Variants in EPHA5 observed in about 807,000 individuals in gnomAD.
EPHA5 encodes EPH receptor A5.
Under a neutral mutation model 105.0 loss-of-function variants are expected in EPHA5, and 60 were observed. That is an observed-to-expected ratio of 0.57 (90% CI 0.46 to 0.71). EPHA5 has a LOEUF of 0.71. Ranked by LOEUF, EPHA5 falls within the 30% of genes least tolerant of loss-of-function variation. The probability of loss-of-function intolerance (pLI) is 0.00; values close to 1 mark genes in which losing one functional copy is unlikely to be tolerated. For missense variants in EPHA5, 1,218 were observed against 1,274.7 expected, an observed-to-expected ratio of 0.96 and a Z score of 0.68; for synonymous variants, 513 against 449.1, an observed-to-expected ratio of 1.14 and a Z score of -1.80.
chr4:65,515,531 C>T (rs980801357), intron 3 of EPHA5, among the ~76,000 whole-genome samples: 1 of 152,094 alleles, frequency 6.6e-6, no homozygotes, highest in Non-Finnish European at 1.5e-5. Context: ...TTTCCAGTGA[C>T]AAGATCTTAC....
chr4:65,391,041 C>T (rs955474939), intron 8 of EPHA5, among the ~76,000 whole-genome samples: 5 of 151,968 alleles, frequency 3.3e-5, no homozygotes, highest in Non-Finnish European at 7.4e-5. Context: ...TTTCATAAGG[C>T]AGCAGGAAGG....
chr4:65,490,809 T>C (rs1433057709), intron 4 of EPHA5, 97 bp from the exon 5 acceptor site: 1 of 1,257,338 alleles, frequency 8.0e-7, no homozygotes, highest in Non-Finnish European at 1.1e-6. Flanking sequence ...AAAAAATAGA[T>C]TTGCAATAAG....
chr4:65,390,802 C>A (rs1720639372), intron 8 of EPHA5, among the ~76,000 whole-genome samples: 1 of 151,922 alleles, frequency 6.6e-6, no homozygotes, highest in Non-Finnish European at 1.5e-5. Context: ...AAAAGTATGC[C>A]ATTTTTCTGT....
chr4:65,627,829 A>C (rs2149486475), intron 2 of EPHA5, among the ~76,000 whole-genome samples: 1 of 152,316 alleles, frequency 6.6e-6, no homozygotes, highest in Non-Finnish European at 1.5e-5. Context: ...ACTATGAAAT[A>C]ATTCTAGTGT....
chr4:65,544,090 T>C (rs1040670038), intron 3 of EPHA5, among the ~76,000 whole-genome samples: 3 of 151,910 alleles, frequency 2.0e-5, no homozygotes, highest in African/African-American at 7.2e-5. Flanking sequence ...ATGGATTAAA[T>C]ACTTAAATGT....
At chr4:65,498,390 G>A (rs1356524218) in intron 3 of EPHA5, among the ~76,000 whole-genome samples, 2 of 151,860 alleles carry the variant, frequency 1.3e-5, no homozygotes, top group Admixed American at 6.6e-5. Context: ...TATTTTCACA[G>A]TAACTGCAAA....
At position 65,601,802 on chromosome 4, in the gene EPHA5, G is replaced by T. The variant is rs2149438016; in HGVS notation, c.749C>A (p.Ala250Asp). Reference sequence around the variant, plus strand: ...CACTTCGAGCAATTGGGAAGAATCAGCTCCAGTGATGGTGTCAGGGAAGAC... The same window carrying T: ...CACTTCGAGCAATTGGGAAGAATCATCTCCAGTGATGGTGTCAGGGAAGAC... ...LAVFPDTITG[A>D]DSSQLLEVSG... is the part of the protein sequence containing the mutation. The change falls in exon 3 of 17, where the codon GCT (alanine) becomes GAT (aspartate). Residue 250 changes from alanine to aspartate, a missense_variant. Coordinates refer to ENST00000613740, the MANE Select transcript of EPHA5 (RefSeq NM_001281766.3). 1.2e-6 allele frequency: 2 copies of T among 1,614,158 alleles called. No homozygotes were observed. Among genetic ancestry groups the T allele is most frequent in the Non-Finnish European group, 8.5e-7 (1 of 1,180,022 alleles).
chr4:65,530,998 T>TTTTTTTTA (rs1200918968), intron 3 of EPHA5, among the ~76,000 whole-genome samples: 1 of 102,066 alleles, frequency 9.8e-6, no homozygotes, highest in Admixed American at 9.9e-5. Flanking sequence ...CTGGATGGAT[T>TTTTTTTTA]TTTTTTTATT....
intron 1 of EPHA5, among the ~76,000 whole-genome samples, chr4:65,654,957 G>C: frequency 6.7e-6 from 1 of 148,362 alleles, no homozygotes; most frequent in East Asian, 2.0e-4. Flanking sequence ...ATATATCAAA[G>C]CATATACCTT....
At chr4:65,466,366 G>C (rs980235069) in intron 5 of EPHA5, among the ~76,000 whole-genome samples, 2 of 152,236 alleles carry the variant, frequency 1.3e-5, no homozygotes, top group Non-Finnish European at 2.9e-5. Context: ...AAGTGAGTGA[G>C]TGAGAAAGCA....
Position 65,553,124 on chromosome 4 carries a change from G to A in EPHA5, c.910+48517C>T, listed in dbSNP as rs116165727. On this transcript the variant is annotated intron_variant, in intron 3 of 16. Coordinates refer to ENST00000613740, the MANE Select transcript of EPHA5 (RefSeq NM_001281766.3). ...TAAAATTAATACTTCTCTGAGTGGG[G>A]TAGGTTTACAATCTCAATGATGAGT... Among the ~76,000 whole-genome samples the A allele has an allele frequency of 2.6e-3, 389 of 152,170 alleles. 1 individual carries two copies. Among genetic ancestry groups the A allele is most frequent in the African/African-American group, 8.5e-3 (354 of 41,540 alleles).
At chr4:65,380,622 G>A (rs530281843) in intron 8 of EPHA5, among the ~76,000 whole-genome samples, 13 of 151,752 alleles carry the variant, frequency 8.6e-5, no homozygotes, top group African/African-American at 3.1e-4. Context: ...AGCAAGAAGA[G>A]TAATTTCACA....
intron 1 of EPHA5, among the ~76,000 whole-genome samples, chr4:65,647,899 G>A (rs1391608534): frequency 1.3e-5 from 2 of 152,038 alleles, no homozygotes; most frequent in South Asian, 4.1e-4. Context: ...TTAACGTATA[G>A]GGAAAAATAC....
At chr4:65,371,065 C>T (rs1182681926) in intron 8 of EPHA5, among the ~76,000 whole-genome samples, 2 of 151,976 alleles carry the variant, frequency 1.3e-5, no homozygotes, top group African/African-American at 4.8e-5. Flanking sequence ...TAAATTTTGC[C>T]TCTCATTTTC....
intron 12 of EPHA5, among the ~76,000 whole-genome samples, chr4:65,352,660 C>T (rs2148859057): frequency 6.6e-6 from 1 of 152,036 alleles, no homozygotes; most frequent in Admixed American, 6.6e-5. Context: ...TACACGTTTT[C>T]TTGCTCTGCC....
chr4:65,470,522 A>G (rs1334715926), intron 5 of EPHA5, among the ~76,000 whole-genome samples: 1 of 152,164 alleles, frequency 6.6e-6, no homozygotes, highest in Non-Finnish European at 1.5e-5. Context: ...ATAGTAGAAC[A>G]TGTATTTTAT....
At position 65,348,119 on chromosome 4, in the gene EPHA5, C is replaced by T. The variant is rs1722396602; in HGVS notation, c.2530G>A (p.Gly844Arg). ...FTSASDVWSY[G>R]IVMWEVVSYG... ...GACACAACTTCCCACATTACTATTC[C>T]ATAACTCCAGACATCACTGGCAGAA... Residue 844 changes from glycine (G) to arginine (R), a missense_variant, in exon 14 of 17, where the codon GGA becomes AGA. Physicochemically the swap from Gly to Arg is moderately radical, Grantham distance 125. Around this residue, in one of 3 missense-constraint regions of EPHA5, gnomAD observed 971 missense variants for 1,013.5 expected, o/e 0.96. Transcript: ENST00000613740. 1 of 1,613,654 alleles carries T rather than the reference C, an allele frequency of 6.2e-7. No homozygotes were observed. Among genetic ancestry groups the T allele is most frequent in the Non-Finnish European group, 8.5e-7 (1 of 1,179,762 alleles).
In EPHA5 at chr4:65,482,307, C is replaced by A. The variant is rs867429546; in HGVS notation, c.1402+8070G>T. Among the ~76,000 whole-genome samples the A allele has an allele frequency of 3.1e-3, 436 of 141,388 alleles. 1 individual carries two copies. The highest frequency in any genetic ancestry group is 8.3e-3 in the African/African-American group (311 of 37,466). 92.8% of individuals were successfully genotyped at this position (141,388 alleles called of 152,430 possible). ...GAACAAGATAAAAAAAAAAAAAAAA[C>A]AACCTGTGAAATAACCCACTGATTA... On this transcript the variant is annotated intron_variant, in intron 5 of 16. Transcript: ENST00000613740.
chr4:65,600,943 T>G (rs769983826), intron 3 of EPHA5, among the ~76,000 whole-genome samples: 26 of 149,214 alleles, frequency 1.7e-4, no homozygotes, highest in Non-Finnish European at 3.4e-4. Context: ...AAGTTTCAAT[T>G]TAAAAGAAAA....
Sources: gnomAD v4.1 joint callset for allele counts (sites outside exome capture counted in the v4.1 genomes callset) on GRCh38, gnomAD v4.1.1 for gene constraint, gnomAD v4.1.1 regional missense constraint, MANE v1.5 for transcripts, NCBI Gene and HGNC (gene_info 2026-07-23, HGNC 2026-07-21) for gene names.